Variants in PROM1 observed in about 807,000 individuals in gnomAD.
PROM1 encodes the protein prominin 1.
Under a neutral mutation model 116.9 loss-of-function variants are expected in PROM1, and 105 were observed. The ratio of observed to expected loss-of-function variants is 0.90; its 90% CI spans 0.77 to 1.06. PROM1 has a LOEUF of 1.06. Among genes scored for constraint, PROM1 ranks in the 50% least tolerant of loss-of-function variants. The pLI, the probability that PROM1 is intolerant of heterozygous loss-of-function variation, is 0.00. For missense variants in PROM1, 1,122 were observed against 1,045.2 expected, an observed-to-expected ratio of 1.07 and a Z score of -1.01; for synonymous variants, 393 against 387.0, an observed-to-expected ratio of 1.02 and a Z score of -0.18.
chr4:16,024,353 G>A lies in PROM1; in HGVS notation c.636C>T (p.Ile212=). ...RTLLNETPEQ[I]KYILAQYNTT... is the part of the protein sequence containing the mutation. ...TGTTGTACTGGGCCAATATATATTTGATTTGCTGAAAAAAGAACATTCTGT... is the reference window on the plus strand; with the variant it reads ...TGTTGTACTGGGCCAATATATATTTAATTTGCTGAAAAAAGAACATTCTGT... Residue 212 remains isoleucine, a synonymous_variant, in exon 7 of 28, where the codon ATC becomes ATT. Coordinates refer to ENST00000447510, the MANE Select transcript of PROM1 (RefSeq NM_006017.3). 1 of 1,610,286 alleles carries A rather than the reference G, an allele frequency of 6.2e-7. No homozygotes were observed. The highest frequency in any genetic ancestry group is 1.1e-5 in the South Asian group (1 of 90,108).
intron 2 of PROM1, among the ~76,000 whole-genome samples, chr4:16,071,091 TC>T (rs1456357595): frequency 3.3e-5 from 5 of 152,130 alleles, no homozygotes; most frequent in African/African-American, 1.2e-4. Context: ...TGCATCCATT[TC>T]CCCTATTCCC....
chr4:15,979,317 C>A, intron 26 of PROM1, 78 bp downstream of exon 26: 1 of 1,601,562 alleles, frequency 6.2e-7, no homozygotes, highest in South Asian at 1.1e-5. Flanking sequence ...CAGCAGCATG[C>A]AGAAAATTCA....
chr4:16,002,881 A>G (rs897739173), intron 13 of PROM1, among the ~76,000 whole-genome samples: 2 of 152,204 alleles, frequency 1.3e-5, no homozygotes, highest in Non-Finnish European at 1.5e-5. Context: ...CTGTTTTTCT[A>G]AGGTTAGTGA....
intron 10 of PROM1, among the ~76,000 whole-genome samples, chr4:16,013,691 G>C (rs1727515055): frequency 1.3e-5 from 2 of 152,084 alleles, no homozygotes; most frequent in African/African-American, 4.8e-5. Flanking sequence ...GGTATGTTTG[G>C]CAAAGTCTGG....
intron 15 of PROM1, among the ~76,000 whole-genome samples, chr4:15,997,106 C>CA (rs1722503819): frequency 6.6e-6 from 1 of 151,742 alleles, no homozygotes; most frequent in Non-Finnish European, 1.5e-5. Context: ...CCCATGGGTT[C>CA]ACACCTAAGA....
chr4:16,002,600 G>C (rs1724147768), intron 13 of PROM1, among the ~76,000 whole-genome samples: 1 of 152,200 alleles, frequency 6.6e-6, no homozygotes, highest in Non-Finnish European at 1.5e-5. Flanking sequence ...ATGTTCATTG[G>C]AAAGGCCTAG....
Position 16,041,056 on chromosome 4 carries a change from A to G in PROM1, c.221-2055T>C, listed in dbSNP as rs933080613. ...GGTCTGAACCAGCGGGTCTCCAAGC[A>G]TGGGCTGTGGGAATCCCCAAGACAT... On this transcript the variant is annotated intron_variant, in intron 2 of 27. Coordinates refer to ENST00000447510, the MANE Select transcript of PROM1 (RefSeq NM_006017.3). Among the ~76,000 whole-genome samples the G allele has an allele frequency of 3.3e-5, 5 of 152,362 alleles. No homozygotes were observed. The East Asian group carries it at 9.6e-4, about 29-fold the overall frequency.
chr4:16,007,536 C>T (rs1485034581), intron 12 of PROM1, among the ~76,000 whole-genome samples: 2 of 152,178 alleles, frequency 1.3e-5, no homozygotes, highest in Non-Finnish European at 2.9e-5. Context: ...ATAGTAATAG[C>T]CACAGGCAGC....
intron 2 of PROM1, among the ~76,000 whole-genome samples, chr4:16,052,265 C>G (rs1315253423): frequency 6.6e-6 from 1 of 152,118 alleles, no homozygotes; most frequent in Admixed American, 6.5e-5. Flanking sequence ...ACGTCTCCAG[C>G]CTTACTCACT....
chr4:16,040,743 G>A (rs1341912908), intron 2 of PROM1, among the ~76,000 whole-genome samples: 1 of 152,116 alleles, frequency 6.6e-6, no homozygotes, highest in Admixed American at 6.5e-5. Flanking sequence ...AAACAGCACC[G>A]GGCCTGGCAC....
At chr4:16,011,986 TTTCTG>T (rs1161146304) in intron 11 of PROM1, among the ~76,000 whole-genome samples, 1 of 152,030 alleles carries the variant, frequency 6.6e-6, no homozygotes, top group Non-Finnish European at 1.5e-5. Flanking sequence ...TTTCTTTTCT[TTTCTG>T]TTCTTTTTTG....
At chr4:16,060,398 C>T (rs1740033755) in intron 2 of PROM1, among the ~76,000 whole-genome samples, 2 of 151,960 alleles carry the variant, frequency 1.3e-5, no homozygotes, top group Admixed American at 1.3e-4. Context: ...CAACCTCCAC[C>T]TACCTCCCAG....
chr4:15,987,673 T>C lies in PROM1; in HGVS notation c.2120A>G (p.Asn707Ser). Residue 707 changes from asparagine (N) to serine (S), a missense_variant, in exon 20 of 28, where the codon AAT becomes AGT. Asn to Ser is a conservative substitution (Grantham distance 46). Coordinates refer to ENST00000447510, the MANE Select transcript of PROM1 (RefSeq NM_006017.3). ...QSVKILQRTG[N>S]GLLERVTRIL... ...AAAGTAAACCCTTACCAACAATCCA[T>C]TCCCTGTGCGTTGAAGTATCTTGAC... is the stretch of plus-strand genomic sequence containing the variant. 1.2e-6 allele frequency: 2 copies of C among 1,611,238 alleles called. No homozygotes were observed. Among genetic ancestry groups the C allele is most frequent in the Non-Finnish European group, 1.7e-6 (2 of 1,178,882 alleles).
chr4:16,057,472 C>A (rs139865106), intron 2 of PROM1, among the ~76,000 whole-genome samples: 1 of 152,222 alleles, frequency 6.6e-6, no homozygotes, highest in South Asian at 2.1e-4. Context: ...TAAGGAAAAA[C>A]CAAATGTGAA....
At chr4:15,975,117 A>G (rs1715769207) in intron 26 of PROM1, among the ~76,000 whole-genome samples, 1 of 152,218 alleles carries the variant, frequency 6.6e-6, no homozygotes, top group Admixed American at 6.5e-5. Flanking sequence ...TGGTCATTAT[A>G]GTGAACCACA....
intron 13 of PROM1, among the ~76,000 whole-genome samples, chr4:16,005,119 T>G (rs1345743673): frequency 6.6e-6 from 1 of 151,930 alleles, no homozygotes. Context: ...TGCACCATCA[T>G]GCCCAGCTAA....
intron 2 of PROM1, among the ~76,000 whole-genome samples, chr4:16,047,318 C>T (rs1349722114): frequency 6.6e-6 from 1 of 152,126 alleles, no homozygotes; most frequent in African/African-American, 2.4e-5. Flanking sequence ...GATTCTCCTG[C>T]CTCAGCCTCC....
At chr4:15,995,407 G>A (rs1157837422) in intron 15 of PROM1, among the ~76,000 whole-genome samples, 9 of 151,930 alleles carry the variant, frequency 5.9e-5, no homozygotes, top group Middle Eastern at 3.4e-3. Context: ...AGGAGGAGGA[G>A]AAGAAGAGGA....
intron 2 of PROM1, among the ~76,000 whole-genome samples, chr4:16,061,563 T>C (rs1740318828): frequency 6.6e-6 from 1 of 152,200 alleles, no homozygotes; most frequent in East Asian, 1.9e-4. Context: ...TCAGAACACA[T>C]GGCTGTGCTC....
Sources: gnomAD v4.1 joint callset for allele counts (sites outside exome capture counted in the v4.1 genomes callset) on GRCh38, gnomAD v4.1.1 for gene constraint, MANE v1.5 for transcripts, NCBI Gene and HGNC (gene_info 2026-07-23, HGNC 2026-07-21) for gene names.